Variants in RBMS3 observed in about 807,000 individuals in gnomAD.
RBMS3 encodes the protein RNA binding motif single stranded interacting protein 3.
A neutral mutation model predicts 66.8 loss-of-function variants in RBMS3; 27 were observed. The ratio of observed to expected loss-of-function variants is 0.40; its 90% confidence interval spans 0.30 to 0.56. The LOEUF (loss-of-function observed/expected upper bound fraction) is 0.56, where lower values mean the gene tolerates loss of function less well. Ranked by LOEUF, RBMS3 falls within the 20% of genes least tolerant of loss-of-function variation. The probability of loss-of-function intolerance (pLI) is 0.40; values close to 1 mark genes in which losing one functional copy is unlikely to be tolerated. For synonymous variants in RBMS3, 188 were observed against 183.0 expected (o/e 1.03, Z -0.22); for missense variants, 513 against 549.5 (o/e 0.93, Z 0.66).
At chr3:29,641,000 G>C (rs1355949602) in intron 4 of RBMS3, 1 of 151,756 alleles carries the variant, frequency 6.6e-6, no homozygotes, top group African/African-American at 2.4e-5. Flanking sequence ...TTGGCCAATT[G>C]CACAAAATAA....
At chr3:29,994,342 G>C (rs1342622155) in intron 14 of RBMS3, among the ~76,000 whole-genome samples, 1 of 152,232 alleles carries the variant, frequency 6.6e-6, no homozygotes, top group African/African-American at 2.4e-5. Context: ...AGGCGGCAGT[G>C]AGGCTGGGGG....
intron 3 of RBMS3, among the ~76,000 whole-genome samples, chr3:29,549,257 A>T (rs1452297906): frequency 6.6e-6 from 1 of 151,936 alleles, no homozygotes; most frequent in Non-Finnish European, 1.5e-5. Flanking sequence ...CTGGTGGCAG[A>T]TGCAAAATTT....
At chr3:29,999,652 A>G (rs1166347877) in intron 14 of RBMS3, among the ~76,000 whole-genome samples, 1 of 152,098 alleles carries the variant, frequency 6.6e-6, no homozygotes, top group Non-Finnish European at 1.5e-5. Flanking sequence ...GCAAACTATC[A>G]CAAGGACAAA....
chr3:29,985,332 C>G (rs896975480), intron 12 of RBMS3, among the ~76,000 whole-genome samples: 3 of 152,112 alleles, frequency 2.0e-5, no homozygotes, highest in Non-Finnish European at 4.4e-5. Context: ...AGAGGTGGCA[C>G]CCTGGCTTCA....
chr3:29,372,800 T>C (rs77447299), intron 1 of RBMS3, among the ~76,000 whole-genome samples: 3,469 of 152,044 alleles, frequency 0.023, 139 homozygotes, highest in African/African-American at 0.079. Context: ...CAAAAAGATT[T>C]GTCTTCAAGT....
intron 3 of RBMS3, among the ~76,000 whole-genome samples, chr3:29,566,796 A>T (rs774489741): frequency 1.3e-5 from 2 of 151,944 alleles, no homozygotes; most frequent in Admixed American, 6.6e-5. Context: ...AATTTGGGGG[A>T]TGATGAAAGA....
chr3:29,950,154 G>A (rs1285642534), intron 12 of RBMS3, among the ~76,000 whole-genome samples: 1 of 151,786 alleles, frequency 6.6e-6, no homozygotes, highest in Non-Finnish European at 1.5e-5. Context: ...ACTACACAGG[G>A]TAAGCCTGGG....
At chr3:29,337,464 C>A (rs942016640) in intron 1 of RBMS3, among the ~76,000 whole-genome samples, 7 of 151,866 alleles carry the variant, frequency 4.6e-5, no homozygotes, top group African/African-American at 1.7e-4. Context: ...CATAATGAGA[C>A]CCCATCTCTA....
chr3:29,610,203 T>C (rs2149131980), intron 4 of RBMS3, among the ~76,000 whole-genome samples: 1 of 152,154 alleles, frequency 6.6e-6, no homozygotes, highest in East Asian at 1.9e-4. Flanking sequence ...GACCCTGTCG[T>C]GAATACAGGT....
intron 4 of RBMS3, among the ~76,000 whole-genome samples, chr3:29,624,323 C>G (rs1210255014): frequency 1.3e-5 from 2 of 152,086 alleles, no homozygotes; most frequent in Admixed American, 1.3e-4. Context: ...AAAACAAAAC[C>G]CCCTGAAATT....
intron 3 of RBMS3, among the ~76,000 whole-genome samples, chr3:29,545,073 C>T (rs918975283): frequency 4.6e-5 from 7 of 151,918 alleles, no homozygotes; most frequent in African/African-American, 1.7e-4. Flanking sequence ...TTATTTATGA[C>T]AGCAACACAA....
chr3:29,745,462 C>T (rs1331122154), intron 5 of RBMS3, among the ~76,000 whole-genome samples: 1 of 152,092 alleles, frequency 6.6e-6, no homozygotes, highest in Non-Finnish European at 1.5e-5. Flanking sequence ...GTCTGGAGGG[C>T]CATGACTGTG....
chr3:29,376,437 C>T (rs2038471332), intron 1 of RBMS3, among the ~76,000 whole-genome samples: 1 of 152,156 alleles, frequency 6.6e-6, no homozygotes, highest in Non-Finnish European at 1.5e-5. Flanking sequence ...AAAGCAGCAG[C>T]AGGGTGGTGA....
chr3:29,573,321 A>C (rs896890951), intron 3 of RBMS3, among the ~76,000 whole-genome samples: 1 of 152,084 alleles, frequency 6.6e-6, no homozygotes, highest in African/African-American at 2.4e-5. Context: ...GGGTTTCACC[A>C]TGTTGGCCAG....
chr3:29,540,601 G>C (rs990909665), intron 3 of RBMS3, among the ~76,000 whole-genome samples: 1 of 152,162 alleles, frequency 6.6e-6, no homozygotes, highest in Non-Finnish European at 1.5e-5. Context: ...TATTGATATA[G>C]TAACTCTCGA....
chr3:29,504,564 A>C (rs2044108178), intron 3 of RBMS3, among the ~76,000 whole-genome samples: 1 of 149,946 alleles, frequency 6.7e-6, no homozygotes, highest in African/African-American at 2.5e-5. Flanking sequence ...GCAAGTGCAG[A>C]TATCTCTTTG....
At chr3:29,505,506 G>GTT (rs749285833) in intron 3 of RBMS3, among the ~76,000 whole-genome samples, 1,860 of 107,084 alleles carry the variant, frequency 0.017, 22 homozygotes, top group South Asian at 0.045. Flanking sequence ...CTTCAATTTT[G>GTT]TTTTTTTTTT....
intron 5 of RBMS3, among the ~76,000 whole-genome samples, chr3:29,742,192 A>G (rs1374097020): frequency 1.3e-5 from 2 of 152,202 alleles, no homozygotes; most frequent in East Asian, 3.9e-4. Flanking sequence ...GGTATATGAG[A>G]TCATGAAAGA....
intron 2 of RBMS3, among the ~76,000 whole-genome samples, chr3:29,444,924 T>C (rs1278344608): frequency 6.6e-6 from 1 of 150,792 alleles, no homozygotes; most frequent in Non-Finnish European, 1.5e-5. Context: ...ATTTCTATCT[T>C]GTTCCATTTC....
Sources: gnomAD v4.1 joint callset for allele counts (sites outside exome capture counted in the v4.1 genomes callset) on GRCh38, gnomAD v4.1.1 for gene constraint, MANE v1.5 for transcripts, NCBI Gene and HGNC (gene_info 2026-07-23, HGNC 2026-07-21) for gene names.